Variants in SFXN5 observed in about 807,000 individuals in gnomAD.
SFXN5 encodes sideroflexin-5.
In SFXN5, 43 loss-of-function variants were observed where a neutral mutation model predicts 50.2. That is an observed-to-expected ratio of 0.86 (90% CI 0.67 to 1.11). The LOEUF (loss-of-function observed/expected upper bound fraction) is 1.11. Among genes scored for constraint, SFXN5 ranks in the 50% least tolerant of loss-of-function variants. The probability of loss-of-function intolerance (pLI) is 0.00; values close to 1 mark genes in which losing one functional copy is unlikely to be tolerated. For missense variants in SFXN5, 463 were observed against 454.1 expected (o/e 1.02, Z -0.18); for synonymous variants, 203 against 185.8 (o/e 1.09, Z -0.75).
At chr2:73,065,155 C>T (rs972599085) in intron 1 of SFXN5, among the ~76,000 whole-genome samples, 1 of 152,158 alleles carries the variant, frequency 6.6e-6, no homozygotes, top group Non-Finnish European at 1.5e-5. Flanking sequence ...AGCTGGAGTG[C>T]AGTTGTGTGA....
At chr2:72,974,218 C>T (rs968573161) in intron 10 of SFXN5, among the ~76,000 whole-genome samples, 5 of 152,114 alleles carry the variant, frequency 3.3e-5, no homozygotes, top group Non-Finnish European at 1.5e-5. Flanking sequence ...GTCTCCAGCC[C>T]CCATTTTGTG....
rs866770013 is a variant in SFXN5 at position 73,013,187 on chromosome 2, A to C, written c.357+7052T>G. Among the ~76,000 whole-genome samples the C allele has an allele frequency of 1.3e-4, 20 of 152,302 alleles. No individual in the cohort carries two copies. The Middle Eastern group carries it at 0.01, about 78-fold the overall frequency. ...ATTAAAATTAAAGGCAGTGTTTCTC[A>C]AACTGAGTTAAATGTAAGTAGCCTT... On this transcript the variant is annotated intron_variant, in intron 6 of 13. Transcript: ENST00000272433.
chr2:72,945,025 C>A lies in SFXN5; in HGVS notation c.1020G>T (p.Leu340Phe), dbSNP rs1233763615. 2.0e-5 allele frequency: 33 copies of A among 1,613,670 alleles called. No individual in the cohort carries two copies. The highest frequency in any genetic ancestry group is 2.6e-5 in the Non-Finnish European group (31 of 1,179,828). Reference sequence around the variant, plus strand: ...GTCCCCAGGCCGCTGACCACACTCACAACCCCTTGTTGTACACCACTGTCC... The same window carrying A: ...GTCCCCAGGCCGCTGACCACACTCAAAACCCCTTGTTGTACACCACTGTCC... ...SSRTVVYNKG[L>F] Residue 340 changes from leucine to phenylalanine, a missense_variant, in exon 14 of 14, where the codon TTG becomes TTT. Physicochemically the swap from Leu to Phe is conservative, Grantham distance 22. Transcript: ENST00000272433. The surrounding 1 kb of genome is among the most constrained non-coding windows in gnomAD (Gnocchi z 5.8).
In SFXN5 at chr2:72,973,305, A is replaced by G. The variant is rs1488039090; in HGVS notation, c.626-1620T>C. The G allele has an allele frequency of 1.2e-5, 2 of 169,072 alleles. No individual in the cohort carries two copies. The highest frequency in any genetic ancestry group is 3.9e-4 in the East Asian group (2 of 5,180). The allele number at this position is 169,072 out of a possible 1,614,324, so 10.5% of individuals were successfully genotyped here. Reference sequence around the variant, plus strand: ...GTGTCCCGGGCTCTCCTGCCCCACAACAGGCATGCTCACCTGCCCTAAACA... The same window carrying G: ...GTGTCCCGGGCTCTCCTGCCCCACAGCAGGCATGCTCACCTGCCCTAAACA... On this transcript the variant is annotated intron_variant, in intron 10 of 13. Coordinates refer to ENST00000272433, the MANE Select transcript of SFXN5 (RefSeq NM_144579.3). This position sits in a 1 kb window ranked among gnomAD's most constrained non-coding sequence, Gnocchi z 5.5.
In SFXN5 at chr2:73,018,276, GA is replaced by G. The variant is rs1002008346; in HGVS notation, c.357+1962del. ...AAGAAAAGGAAAGGAGAAAGGAAAAGAAAAAAAAAAGAGAAAGAGAAAAGAT... is the reference window on the plus strand; with the variant it reads ...AAGAAAAGGAAAGGAGAAAGGAAAAGAAAAAAAAAGAGAAAGAGAAAAGAT... On this transcript the variant is annotated intron_variant, in intron 6 of 13. Transcript: ENST00000272433. Among the ~76,000 whole-genome samples the G allele has an allele frequency of 1.7e-3, 244 of 145,066 alleles. 1 individual carries two copies. Among genetic ancestry groups the G allele is most frequent in the Middle Eastern group, 7.1e-3 (2 of 282 alleles).
chr2:72,962,806 C>A (rs1269649695), intron 12 of SFXN5, among the ~76,000 whole-genome samples: 1 of 152,218 alleles, frequency 6.6e-6, no homozygotes, highest in African/African-American at 2.4e-5. Flanking sequence ...GTCCTTCCCA[C>A]AGGCCCAGAC....
chr2:72,979,111 C>T (rs1254678958), intron 10 of SFXN5, among the ~76,000 whole-genome samples: 1 of 152,140 alleles, frequency 6.6e-6, no homozygotes, highest in Non-Finnish European at 1.5e-5. Flanking sequence ...CAGTATGGTA[C>T]AGTTAATATA....
chr2:73,031,584 G>A (rs1009054753), intron 3 of SFXN5, among the ~76,000 whole-genome samples: 7 of 152,220 alleles, frequency 4.6e-5, no homozygotes, highest in Non-Finnish European at 8.8e-5. Context: ...TGATATCAGG[G>A]AAAGATTTCC....
intron 7 of SFXN5, 89 bp downstream of exon 7, chr2:73,001,436 C>T (rs549599512): frequency 5.1e-5 from 71 of 1,383,550 alleles, no homozygotes; most frequent in South Asian, 2.7e-4. Context: ...GGGGTCTGGA[C>T]GGGGCAGGAG....
At position 72,943,371 on chromosome 2, in the gene SFXN5, A is replaced by C. The variant is rs1335047150; in HGVS notation, c.*1651T>G. The C allele has an allele frequency of 6.6e-6, 1 of 152,270 alleles. No individual in the cohort carries two copies. The highest frequency in any genetic ancestry group is 1.5e-5 in the Non-Finnish European group (1 of 68,116). 9.4% of individuals were successfully genotyped at this position (152,270 alleles called of 1,614,324 possible). On this transcript the variant is annotated 3_prime_UTR_variant, in exon 14 of 14. Coordinates refer to ENST00000272433, the MANE Select transcript of SFXN5 (RefSeq NM_144579.3). ...CTGAGGTGGAGACCCCGGGGGAGGG[A>C]GGCCTGGGGCTGCAGGTGGAGGCTT... is the stretch of plus-strand genomic sequence containing the variant.
At chr2:73,001,834 T>C (rs191025758) in intron 6 of SFXN5, among the ~76,000 whole-genome samples, 3 of 152,290 alleles carry the variant, frequency 2.0e-5, no homozygotes, top group Admixed American at 6.5e-5. Flanking sequence ...CACAAACACA[T>C]GCATACACAC....
In SFXN5 at chr2:72,953,743, T is replaced by A. The variant is rs1672787423; in HGVS notation, c.945+7388A>T. ...GAGGAGGAGCCATTTCTAGACCAGC[T>A]TGAATGTGGACTCACATTCCAGCTT... On this transcript the variant is annotated intron_variant, in intron 13 of 13. Transcript: ENST00000272433. The surrounding 1 kb of genome is among the most constrained non-coding windows in gnomAD (Gnocchi z 4.1). 1.3e-5 allele frequency among the ~76,000 whole-genome samples: 2 copies of A among 152,226 alleles called. No individual in the cohort carries two copies. Among genetic ancestry groups the A allele is most frequent in the African/African-American group, 4.8e-5 (2 of 41,464 alleles).
In SFXN5 at chr2:73,035,112, G is replaced by A. The variant is rs141318829; in HGVS notation, c.249+5742C>T. Among the ~76,000 whole-genome samples, 173 of 152,274 alleles carry A rather than the reference G, an allele frequency of 1.1e-3. 1 individual carries two copies. The highest frequency in any genetic ancestry group is 3.8e-3 in the African/African-American group (158 of 41,542). ...TACAGGTACCTACTGACAAGTTTAT[G>A]TGAAGATTAGCTGAGATAATATGTG... is the stretch of plus-strand genomic sequence containing the variant. On this transcript the variant is annotated intron_variant, in intron 3 of 13. Transcript: ENST00000272433.
rs59839344 is a variant in SFXN5 at position 73,052,359 on chromosome 2, CGTGTGTGTGT to C, written c.171+6159_171+6168del. ...GAGAGAGTGTGTGTGTGTGTGTATG[CGTGTGTGTGT>C]GTGTGTGTGTGTGTGTGTGTGTGAT... On this transcript the variant is annotated intron_variant, in intron 2 of 13. Coordinates refer to ENST00000272433, the MANE Select transcript of SFXN5 (RefSeq NM_144579.3). Among the ~76,000 whole-genome samples the C allele has an allele frequency of 7.5e-3, 1,068 of 142,440 alleles. 12 individuals are homozygous for C. The highest frequency in any genetic ancestry group is 0.022 in the African/African-American group (884 of 39,318). 93.4% of individuals were successfully genotyped at this position (142,440 alleles called of 152,430 possible). A position where few individuals can be genotyped will look rare whatever the true frequency, so the allele number is the denominator to read the frequency against.
At chr2:73,000,058 C>T (rs1673713409) in intron 8 of SFXN5, among the ~76,000 whole-genome samples, 1 of 152,188 alleles carries the variant, frequency 6.6e-6, no homozygotes, top group Non-Finnish European at 1.5e-5. Context: ...TTGGAGGAAG[C>T]TTTATGGGAA....
At chr2:73,026,432 T>C (rs1377447076) in intron 3 of SFXN5, among the ~76,000 whole-genome samples, 1 of 151,998 alleles carries the variant, frequency 6.6e-6, no homozygotes, top group Non-Finnish European at 1.5e-5. Context: ...GTTGCTGCCT[T>C]GACTTTAATA....
intron 1 of SFXN5, among the ~76,000 whole-genome samples, chr2:73,067,425 A>C (rs1574279712): frequency 6.6e-6 from 1 of 152,358 alleles, no homozygotes; most frequent in East Asian, 1.9e-4. Context: ...TCTGGAGTGT[A>C]GTTAACGATA....
chr2:72,995,930 G>T (rs930803775), intron 9 of SFXN5, among the ~76,000 whole-genome samples: 8 of 152,202 alleles, frequency 5.3e-5, no homozygotes, highest in African/African-American at 1.9e-4. Flanking sequence ...GACGTCAGGC[G>T]GAGGGACGCC....
rs1672434571 is a variant in SFXN5 at position 72,950,687 on chromosome 2, G to A, written c.946-5588C>T. 1.3e-5 allele frequency among the ~76,000 whole-genome samples: 2 copies of A among 152,244 alleles called. No homozygotes were observed. Among genetic ancestry groups the A allele is most frequent in the African/African-American group, 2.4e-5 (1 of 41,466 alleles). On this transcript the variant is annotated intron_variant, in intron 13 of 13. Transcript: ENST00000272433. This position sits in a 1 kb window ranked among gnomAD's most constrained non-coding sequence, Gnocchi z 4.2. ...TTTCTCCAAGGGAACCACATCTAGGGCCTTGCCTGGCAGTGGCCTCTGGAC... is the reference window on the plus strand; with the variant it reads ...TTTCTCCAAGGGAACCACATCTAGGACCTTGCCTGGCAGTGGCCTCTGGAC...
Sources: gnomAD v4.1 joint callset for allele counts (sites outside exome capture counted in the v4.1 genomes callset) on GRCh38, gnomAD v4.1.1 for gene constraint, Gnocchi (gnomAD v3.1) non-coding constraint, MANE v1.5 for transcripts, NCBI Gene and HGNC (gene_info 2026-07-23, HGNC 2026-07-21) for gene names.